MYBPC2: variants seen among roughly 807,000 people sequenced by gnomAD.
The protein encoded by MYBPC2 is myosin binding protein C2.
A neutral mutation model predicts 137.0 loss-of-function variants in MYBPC2; 122 were observed. The ratio of observed to expected loss-of-function variants is 0.89; its 90% CI spans 0.77 to 1.03. The LOEUF (loss-of-function observed/expected upper bound fraction) is 1.03, where lower values mean the gene tolerates loss of function less well. MYBPC2 is among the 50% of genes least tolerant of loss of function. MYBPC2 has a pLI of 0.00. For missense variants in MYBPC2, 1,500 were observed against 1,534.4 expected, an observed-to-expected ratio of 0.98 and a Z score of 0.37; for synonymous variants, 626 against 612.3, an observed-to-expected ratio of 1.02 and a Z score of -0.33.
chr19:50,451,234 G>T (rs772484715), intron 14 of MYBPC2, 46 bp from the exon 15 acceptor site: 2 of 1,606,810 alleles, frequency 1.2e-6, no homozygotes, highest in Non-Finnish European at 1.7e-6. Context: ...GGGGTGAGGG[G>T]CCTGCTGAGT....
At position 50,456,247 on chromosome 19, in the gene MYBPC2, A is replaced by G. The variant is rs1381292113; in HGVS notation, c.2338+603A>G. ...CATCTATTCATCCATCCATCCATCC[A>G]TCCATCCATCCATCCCTCCATTTGT... On this transcript the variant is annotated intron_variant, in intron 20 of 27. Transcript: ENST00000357701. Among the ~76,000 whole-genome samples the G allele has an allele frequency of 4.2e-5, 6 of 143,542 alleles. No individual in the cohort carries two copies. The South Asian group carries it at 8.9e-4, about 21-fold the overall frequency. The allele number at this position is 143,542 out of a possible 152,430, so 94.2% of individuals were successfully genotyped here.
chr19:50,443,475 G>A lies in MYBPC2; in HGVS notation c.903-19G>A. Reference sequence around the variant, plus strand: ...GTGGATGCTCCACGCCCTGGTTTGAGGTGAGACTTTTGAATCAGGTACGTG... The same window carrying A: ...GTGGATGCTCCACGCCCTGGTTTGAAGTGAGACTTTTGAATCAGGTACGTG... On this transcript the variant is annotated intron_variant, in intron 9 of 27. Transcript: ENST00000357701. 1.2e-6 allele frequency: 2 copies of A among 1,611,700 alleles called. No individual in the cohort carries two copies. The highest frequency in any genetic ancestry group is 2.2e-5 in the East Asian group (1 of 44,850).
chr19:50,437,782 G>A, intron 7 of MYBPC2, 64 bp downstream of exon 7: 1 of 1,524,484 alleles, frequency 6.6e-7, no homozygotes, highest in Non-Finnish European at 8.9e-7. Context: ...GGTGGGTGAA[G>A]CTCCATGGCC....
At chr19:50,452,390 A>G (rs1019662871) in intron 16 of MYBPC2, among the ~76,000 whole-genome samples, 1 of 152,158 alleles carries the variant, frequency 6.6e-6, no homozygotes, top group Non-Finnish European at 1.5e-5. Context: ...TTCATCCAGA[A>G]ACACATCATT....
In MYBPC2 at chr19:50,435,273, TC is replaced by T; in HGVS notation, c.109+24del. On this transcript the variant is annotated intron_variant, in intron 2 of 27. Coordinates refer to ENST00000357701, the MANE Select transcript of MYBPC2 (RefSeq NM_004533.4). The surrounding 1 kb of genome is among the most constrained non-coding windows in gnomAD (Gnocchi z 4.8). Reference sequence around the variant, plus strand: ...AAGGTGAGGAGGTGCTCCCTCGGGCTCAACCGACCTGGCTTCTCATCTCCAT... The same window carrying T: ...AAGGTGAGGAGGTGCTCCCTCGGGCTAACCGACCTGGCTTCTCATCTCCAT... 1 of 845,268 alleles carries T rather than the reference TC, an allele frequency of 1.2e-6. No individual in the cohort carries two copies. The highest frequency in any genetic ancestry group is 2.0e-6 in the Non-Finnish European group (1 of 498,914). 52.4% of individuals were successfully genotyped at this position (845,268 alleles called of 1,614,324 possible). A position where few individuals can be genotyped will look rare whatever the true frequency, so the allele number is the denominator to read the frequency against.
At chr19:50,441,842 AAAAAT>A (rs1031080151) in intron 8 of MYBPC2, among the ~76,000 whole-genome samples, 3 of 150,304 alleles carry the variant, frequency 2.0e-5, no homozygotes, top group African/African-American at 5.0e-5. Flanking sequence ...TCTGTCTCAA[AAAAAT>A]AAAATAAAAT....
chr19:50,452,470 A>ATGTATGTG (rs1568664581), intron 16 of MYBPC2, among the ~76,000 whole-genome samples: 1 of 118,906 alleles, frequency 8.4e-6, no homozygotes, highest in East Asian at 2.3e-4. Flanking sequence ...GTATCTGTGT[A>ATGTATGTG]TGTATGTATG....
In MYBPC2 at chr19:50,462,016, G is replaced by T. The variant is rs748346424; in HGVS notation, c.3208G>T (p.Ala1070Ser). The change falls in exon 26 of 28, where the codon GCT becomes TCT. Residue 1070 changes from alanine to serine, a missense_variant. Coordinates refer to ENST00000357701, the MANE Select transcript of MYBPC2 (RefSeq NM_004533.4). The part of the protein sequence containing the change: ...VAGYSAALNC[A>S]VRGHPKPKVV... ...TGGGTACTCGGCAGCCCTCAACTGT[G>T]CTGTCAGAGGCCACCCGAAGGTGCC... The T allele has an allele frequency of 5.7e-6, 9 of 1,571,578 alleles. No individual in the cohort carries two copies. The highest frequency in any genetic ancestry group is 7.8e-6 in the Non-Finnish European group (9 of 1,158,528).
chr19:50,433,504 A>G (rs1401297259), intron 1 of MYBPC2, among the ~76,000 whole-genome samples: 2 of 151,434 alleles, frequency 1.3e-5, no homozygotes, highest in Non-Finnish European at 1.5e-5. Context: ...TCCTGAGTTC[A>G]AACAATTCTC....
Position 50,444,748 on chromosome 19 carries a change from C to T in MYBPC2, c.1133+932C>T, listed in dbSNP as rs145717370. 4.3e-3 allele frequency among the ~76,000 whole-genome samples: 658 copies of T among 151,466 alleles called. 5 individuals are homozygous for T. Among genetic ancestry groups the T allele is most frequent in the African/African-American group, 0.015 (629 of 41,252 alleles). On this transcript the variant is annotated intron_variant, in intron 11 of 27. Coordinates refer to ENST00000357701, the MANE Select transcript of MYBPC2 (RefSeq NM_004533.4). ...ACAAAAAATTAGCCGGGCGTGTTGGCGGGCGCCTGTAGTCCCAGCTACTTG... is the reference window on the plus strand; with the variant it reads ...ACAAAAAATTAGCCGGGCGTGTTGGTGGGCGCCTGTAGTCCCAGCTACTTG...
intron 20 of MYBPC2, among the ~76,000 whole-genome samples, chr19:50,456,986 G>C (rs2039920171): frequency 6.6e-6 from 1 of 152,102 alleles, no homozygotes; most frequent in South Asian, 2.1e-4. Context: ...CATCTCTCTG[G>C]GAGAACAGAC....
intron 1 of MYBPC2, among the ~76,000 whole-genome samples, chr19:50,433,258 G>A (rs1007344874): frequency 3.3e-5 from 5 of 151,926 alleles, no homozygotes; most frequent in Admixed American, 6.6e-5. Context: ...TCACTCAGCA[G>A]GGAGGGTGTT....
At position 50,455,137 on chromosome 19, in the gene MYBPC2, TCTCAGCG is replaced by T; in HGVS notation, c.2047_2053del (p.Gln683GlyfsTer2). 1 of 1,613,546 alleles carries T rather than the reference TCTCAGCG, an allele frequency of 6.2e-7. No homozygotes were observed. Among genetic ancestry groups the T allele is most frequent in the South Asian group, 1.1e-5 (1 of 91,054 alleles). On this transcript the variant is annotated frameshift_variant, in exon 19 of 28. Transcript: ENST00000357701. LOFTEE classifies it high-confidence loss of function. ...CCTCGTAGAGCGGAAGAAGAAGGGC[TCTCAGCG>T]CTGGATGAAGCTGAACTTTGAGGTC...
chr19:50,464,664 G>C (rs1275383896), intron 27 of MYBPC2, 132 bp downstream of exon 27: 3 of 1,087,542 alleles, frequency 2.8e-6, no homozygotes, highest in Non-Finnish European at 3.8e-6. Context: ...GGAGGACTGG[G>C]AAGCTGCTGT....
In MYBPC2 at chr19:50,459,300, G is replaced by A. The variant is rs529304138; in HGVS notation, c.2785G>A (p.Val929Ile). ...GGACACCGCCACCATCCGCATCCGC[G>A]TTGTGGGTGCGCGCGCTGGGGAGGG... ...MKDTATIRIR[V>I]VEKAGPPINV... Residue 929 changes from valine to isoleucine, a missense_variant, in exon 23 of 28, where the codon GTT becomes ATT. Physicochemically the swap from Val to Ile is conservative, Grantham distance 29. Transcript: ENST00000357701. 7 of 1,601,992 alleles carry A rather than the reference G, an allele frequency of 4.4e-6. No homozygotes were observed. The South Asian group carries it at 7.8e-5, about 18-fold the overall frequency.
At chr19:50,458,077 C>A (rs914735921) in intron 20 of MYBPC2, among the ~76,000 whole-genome samples, 3 of 151,216 alleles carry the variant, frequency 2.0e-5, no homozygotes, top group Admixed American at 1.3e-4. Flanking sequence ...TTTGGGAGGC[C>A]GAGGTGGGCG....
At position 50,435,848 on chromosome 19, in the gene MYBPC2, T is replaced by G. The variant is rs755945645; in HGVS notation, c.182T>G (p.Val61Gly). 8.1e-6 allele frequency: 13 copies of G among 1,598,520 alleles called. No individual in the cohort carries two copies. The highest frequency in any genetic ancestry group is 1.1e-5 in the Non-Finnish European group (13 of 1,172,314). Reference protein sequence around the residue: ...TGVFLKKPDSVSVETGKDAVV... With the variant: ...TGVFLKKPDSGSVETGKDAVV... ...GTTTTCCTGAAGAAGCCGGACTCCG[T>G]CTCAGTGGAGACTGGTGAGGGGAAC... The change falls in exon 3 of 28, where the codon GTC becomes GGC. Residue 61 changes from valine (V) to glycine (G), a missense_variant. By Grantham distance (109) the Val-to-Gly change is moderately radical. Transcript: ENST00000357701. The surrounding 1 kb of genome is among the most constrained non-coding windows in gnomAD (Gnocchi z 4.8).
intron 23 of MYBPC2, 82 bp downstream of exon 23, chr19:50,459,388 T>C (rs1161523484): frequency 5.8e-5 from 49 of 848,324 alleles, no homozygotes; most frequent in Non-Finnish European, 6.8e-5. Flanking sequence ...AGATGAGGGG[T>C]GGGGAAGGAG....
intron 7 of MYBPC2, 33 bp from the exon 8 acceptor site, chr19:50,440,847 C>G (rs1256488309): frequency 1.9e-6 from 3 of 1,588,260 alleles, no homozygotes; most frequent in Non-Finnish European, 2.6e-6. Context: ...TCCTCACTCC[C>G]TGATGGCCCC....
Sources: allele counts gnomAD v4.1 joint callset (sites outside exome capture counted in the v4.1 genomes callset), GRCh38; gene constraint gnomAD v4.1.1; non-coding constraint Gnocchi (gnomAD v3.1); transcripts MANE v1.5; gene names NCBI Gene and HGNC (gene_info 2026-07-23, HGNC 2026-07-21).